The following CBL variants were observed in gnomAD, a reference collection of about 807,000 sequenced individuals.
CBL encodes the protein E3 ubiquitin-protein ligase CBL.
Under a neutral mutation model 96.9 loss-of-function variants are expected in CBL, and 45 were observed. The observed-to-expected ratio is 0.46, with a 90% CI of 0.37 to 0.60. The LOEUF (loss-of-function observed/expected upper bound fraction) is 0.60, where lower values mean the gene tolerates loss of function less well. Among genes scored for constraint, CBL ranks in the 20% least tolerant of loss-of-function variants. The pLI is 0.00. For missense variants in CBL, 1,024 were observed against 1,143.5 expected (o/e 0.90, Z 1.51); for synonymous variants, 420 against 426.8 (o/e 0.98, Z 0.20).
intron 1 of CBL, among the ~76,000 whole-genome samples, chr11:119,209,861 A>G (rs1949303036): frequency 6.6e-6 from 1 of 152,200 alleles, no homozygotes; most frequent in South Asian, 2.1e-4. Flanking sequence ...CCGATTTACT[A>G]ATCCATTATG....
rs187729688 is a variant in CBL, at chr11:119,243,317, A to G, written c.443+10622A>G. Among the ~76,000 whole-genome samples the G allele has an allele frequency of 7.2e-5, 11 of 152,118 alleles. No individual in the cohort carries two copies. The East Asian group carries it at 2.1e-3, about 29-fold the overall frequency. ...ACTTAGAATTTTGCTTAATAAGTTCACTGGTAGGATATTTATTTATTTATT... is the reference window on the plus strand; with the variant it reads ...ACTTAGAATTTTGCTTAATAAGTTCGCTGGTAGGATATTTATTTATTTATT... On this transcript the variant is annotated intron_variant, in intron 2 of 15. Transcript: ENST00000264033.
At chr11:119,244,805 C>G (rs944394396) in intron 2 of CBL, among the ~76,000 whole-genome samples, 1 of 151,910 alleles carries the variant, frequency 6.6e-6, no homozygotes, top group African/African-American at 2.4e-5. Flanking sequence ...CCCCACCTTA[C>G]CTTACCATAG....
chr11:119,278,587 T>A lies in CBL; in HGVS notation c.1305T>A (p.Asp435Glu), dbSNP rs2135304603. Residue 435 changes from aspartate to glutamate, a missense_variant, in exon 9 of 16, where the codon GAT (aspartate) becomes GAA (glutamate). Asp to Glu is a conservative substitution (Grantham distance 45, BLOSUM62 2). Around this residue, in one of 4 missense-constraint regions of CBL, gnomAD observed 695 missense variants for 661.6 expected, o/e 1.05. Transcript: ENST00000264033. ...AACCCATCGTGGTAGATCCGTTTGA[T>A]CCTAGAGGGAGTGGCAGCCTGTTGA... The part of the protein sequence containing the change: ...GTEPIVVDPF[D>E]PRGSGSLLRQ... The A allele has an allele frequency of 6.2e-7, 1 of 1,614,138 alleles. No homozygotes were observed. Among genetic ancestry groups the A allele is most frequent in the Non-Finnish European group, 8.5e-7 (1 of 1,180,020 alleles).
intron 9 of CBL, among the ~76,000 whole-genome samples, chr11:119,281,376 T>G (rs974873934): frequency 6.6e-6 from 1 of 152,204 alleles, no homozygotes; most frequent in Admixed American, 6.5e-5. Context: ...GTGAATTGAC[T>G]AGTTACAGAA....
In CBL at chr11:119,305,085, C is replaced by T. The variant is rs1025139356; in HGVS notation, c.*5304C>T. The T allele has an allele frequency of 2.7e-5, 6 of 219,368 alleles. No individual in the cohort carries two copies. In the Admixed American group the frequency reaches 3.5e-4, roughly 13 times the overall value. The allele number at this position is 219,368 out of a possible 1,614,324, so 13.6% of individuals were successfully genotyped here. A position where few individuals can be genotyped will look rare whatever the true frequency, so the allele number is the denominator to read the frequency against. ...GAAGTGAGCAGAGACTCCACAGACA[C>T]CCTAAAAAGGCTTCTACTCAAGAAG... On this transcript the variant is annotated 3_prime_UTR_variant, in exon 16 of 16. Transcript: ENST00000264033.
intron 8 of CBL, 89 bp downstream of exon 8, chr11:119,278,386 C>T (rs897339816): frequency 1.9e-6 from 3 of 1,559,400 alleles, no homozygotes; most frequent in Non-Finnish European, 2.7e-6. Context: ...AAGGGGTGGC[C>T]TGGCTTTTGG....
chr11:119,219,779 G>A (rs1949393276), intron 1 of CBL, among the ~76,000 whole-genome samples: 2 of 151,642 alleles, frequency 1.3e-5, no homozygotes, highest in African/African-American at 4.8e-5. Context: ...TGCCTCCTGG[G>A]TTCAAGTGAT....
chr11:119,266,229 C>T (rs915566441), intron 2 of CBL, among the ~76,000 whole-genome samples: 5 of 152,060 alleles, frequency 3.3e-5, no homozygotes, highest in Non-Finnish European at 7.4e-5. Context: ...TTTCCTCTTT[C>T]TCTTCAAAGT....
intron 2 of CBL, among the ~76,000 whole-genome samples, chr11:119,270,188 C>T (rs1238959742): frequency 6.7e-6 from 1 of 148,364 alleles, no homozygotes. Flanking sequence ...GATCAAAGGA[C>T]ACATGGAAAA....
intron 1 of CBL, among the ~76,000 whole-genome samples, chr11:119,212,060 C>T (rs908964207): frequency 2.6e-5 from 4 of 151,762 alleles, no homozygotes; most frequent in Non-Finnish European, 2.9e-5. Flanking sequence ...GCTGGGATTA[C>T]GGGCATGTGC....
At chr11:119,228,872 G>A (rs1192077855) in intron 1 of CBL, among the ~76,000 whole-genome samples, 3 of 151,128 alleles carry the variant, frequency 2.0e-5, no homozygotes, top group East Asian at 2.0e-4. Context: ...GTGCAGTGGC[G>A]TGGTCTTGGC....
intron 2 of CBL, among the ~76,000 whole-genome samples, chr11:119,238,025 A>G (rs563773037): frequency 1.4e-5 from 2 of 142,784 alleles, no homozygotes; most frequent in African/African-American, 5.2e-5. Context: ...GTGTGCACCA[A>G]CAATCCCAGC....
intron 11 of CBL, among the ~76,000 whole-genome samples, chr11:119,286,115 A>G (rs987592401): frequency 6.6e-6 from 1 of 152,058 alleles, no homozygotes; most frequent in Non-Finnish European, 1.5e-5. Flanking sequence ...CCTGGCTAAC[A>G]TGATGAAACC....
At position 119,303,732 on chromosome 11, in the gene CBL, T is replaced by G. The variant is rs1369023642; in HGVS notation, c.*3951T>G. 4.3e-6 allele frequency: 1 copy of G among 233,602 alleles called. No individual in the cohort carries two copies. The highest frequency in any genetic ancestry group is 8.5e-6 in the Non-Finnish European group (1 of 118,064). The allele number at this position is 233,602 out of a possible 1,614,324, so 14.5% of individuals were successfully genotyped here. A position where few individuals can be genotyped will look rare whatever the true frequency, so the allele number is the denominator to read the frequency against. On this transcript the variant is annotated 3_prime_UTR_variant, in exon 16 of 16. Transcript: ENST00000264033. ...TGTTCCAACATAATTAGAATCTGTTTGGTGAGTTGAAAGGTAAGTTGGCTC... is the reference window on the plus strand; with the variant it reads ...TGTTCCAACATAATTAGAATCTGTTGGGTGAGTTGAAAGGTAAGTTGGCTC...
At chr11:119,275,734 A>C (rs1949884864) in intron 5 of CBL, among the ~76,000 whole-genome samples, 1 of 149,106 alleles carries the variant, frequency 6.7e-6, no homozygotes, top group Non-Finnish European at 1.5e-5. Flanking sequence ...GTGGTGGCAC[A>C]TACTGTAGTC....
chr11:119,216,925 A>G (rs937772044), intron 1 of CBL, among the ~76,000 whole-genome samples: 2 of 152,150 alleles, frequency 1.3e-5, no homozygotes, highest in Non-Finnish European at 2.9e-5. Context: ...GGAATTATTT[A>G]TATACTTAAG....
At chr11:119,287,596 A>G (rs1476196305) in intron 11 of CBL, among the ~76,000 whole-genome samples, 1 of 151,832 alleles carries the variant, frequency 6.6e-6, no homozygotes, top group Non-Finnish European at 1.5e-5. Flanking sequence ...TAGCCAATTT[A>G]CTCAAATCTT....
At chr11:119,261,923 G>T (rs907227978) in intron 2 of CBL, among the ~76,000 whole-genome samples, 3 of 152,124 alleles carry the variant, frequency 2.0e-5, no homozygotes, top group Non-Finnish European at 2.9e-5. Flanking sequence ...TAATGAGAAT[G>T]TATTAGAGTC....
At chr11:119,278,077 A>G (rs369623419) in intron 7 of CBL, 89 bp from the exon 8 acceptor site, 10 of 1,161,158 alleles carry the variant, frequency 8.6e-6, no homozygotes, top group East Asian at 5.1e-5. Context: ...CAAAATTTGT[A>G]TAGGAAACAA....
Sources: gnomAD v4.1 joint callset for allele counts (sites outside exome capture counted in the v4.1 genomes callset) on GRCh38, gnomAD v4.1.1 for gene constraint, gnomAD v4.1.1 regional missense constraint, MANE v1.5 for transcripts, NCBI Gene and HGNC (gene_info 2026-07-23, HGNC 2026-07-21) for gene names.